DBN1: variants seen among roughly 807,000 people sequenced by gnomAD.
DBN1 encodes the protein drebrin 1.
In DBN1, 21 loss-of-function variants were observed where a neutral mutation model predicts 83.5. The observed-to-expected ratio is 0.25, with a 90% CI of 0.18 to 0.36. The LOEUF (loss-of-function observed/expected upper bound fraction) is 0.36. Ranked by LOEUF, DBN1 falls within the 10% of genes least tolerant of loss-of-function variation. The pLI is 1.00. For synonymous variants in DBN1, 381 were observed against 384.9 expected (o/e 0.99, Z 0.12); for missense variants, 874 against 935.7 (o/e 0.93, Z 0.86).
At chr5:177,464,832 T>C (rs1222341097) in intron 8 of DBN1, among the ~76,000 whole-genome samples, 1 of 150,714 alleles carries the variant, frequency 6.6e-6, no homozygotes. Context: ...CCCAGCTACT[T>C]GGGAGGCTGA....
chr5:177,467,711 C>T lies in DBN1; in HGVS notation c.330+32G>A. On this transcript the variant is annotated intron_variant, in intron 4 of 14. Transcript: ENST00000393565. The surrounding 1 kb of genome is among the most constrained non-coding windows in gnomAD (Gnocchi z 9.1). The stretch of plus-strand genomic sequence containing the variant: ...GCACGCAGACCCTGGTGGCTGTCCC[C>T]ACCCCCAAGAGCGCTGGCCCCTGAC... 1 of 1,552,556 alleles carries T rather than the reference C, an allele frequency of 6.4e-7. No individual in the cohort carries two copies. Among genetic ancestry groups the T allele is most frequent in the Non-Finnish European group, 8.7e-7 (1 of 1,147,896 alleles).
At chr5:177,460,610 T>C (rs1756954862) in intron 9 of DBN1, 34 bp downstream of exon 9, 1 of 1,614,172 alleles carries the variant, frequency 6.2e-7, no homozygotes, top group East Asian at 2.2e-5. Flanking sequence ...GATAGCCCTG[T>C]CTGCCTCACC....
At position 177,466,673 on chromosome 5, in the gene DBN1, A is replaced by G; in HGVS notation, c.771+99T>C. ...CATGCAGCTCCCCAGAACAGCCACC[A>G]CTGTCCCTGAGCCACTGATCTCCCC... On this transcript the variant is annotated intron_variant, in intron 8 of 14. Coordinates refer to ENST00000393565, the MANE Select transcript of DBN1 (RefSeq NM_001363541.2). The surrounding 1 kb of genome is among the most constrained non-coding windows in gnomAD (Gnocchi z 4.8). 1 of 1,379,750 alleles carries G rather than the reference A, an allele frequency of 7.2e-7. No individual in the cohort carries two copies. Among genetic ancestry groups the G allele is most frequent in the Non-Finnish European group, 1.0e-6 (1 of 967,244 alleles). The allele number at this position is 1,379,750 out of a possible 1,614,324, so 85.5% of individuals were successfully genotyped here.
chr5:177,458,595 C>A lies in DBN1; in HGVS notation c.1377G>T (p.Gly459=), dbSNP rs1756750259. ...EPPQAQAPPR[G]PGSPAEDLMF... is the part of the protein sequence containing the mutation. ...TCAAGTCCTCTGCAGGGCTGCCTGG[C>A]CCCCGGGGAGGCGCCTGTGCCTGAG... Residue 459 remains glycine (G), a synonymous_variant, in exon 13 of 15, where the codon GGG becomes GGT. Transcript: ENST00000393565. The A allele has an allele frequency of 6.2e-7, 1 of 1,612,892 alleles. No individual in the cohort carries two copies. The highest frequency in any genetic ancestry group is 8.5e-7 in the Non-Finnish European group (1 of 1,179,304).
chr5:177,467,403 G>A lies in DBN1; in HGVS notation c.478-71C>T. 3 of 1,613,464 alleles carry A rather than the reference G, an allele frequency of 1.9e-6. No individual in the cohort carries two copies. Among genetic ancestry groups the A allele is most frequent in the South Asian group, 2.2e-5 (2 of 91,052 alleles). On this transcript the variant is annotated intron_variant, in intron 5 of 14. Transcript: ENST00000393565. This position sits in a 1 kb window ranked among gnomAD's most constrained non-coding sequence, Gnocchi z 9.1. ...AACCCCCGACACCTAAAGGGTGAGAGCTAAGAGGGACCGGGCAGGCCAGAC... is the reference window on the plus strand; with the variant it reads ...AACCCCCGACACCTAAAGGGTGAGAACTAAGAGGGACCGGGCAGGCCAGAC...
At chr5:177,465,102 G>C (rs1757351868) in intron 8 of DBN1, among the ~76,000 whole-genome samples, 2 of 152,230 alleles carry the variant, frequency 1.3e-5, no homozygotes, top group African/African-American at 4.8e-5. Context: ...GCAGTGAGCT[G>C]AGATGGCGCC....
At chr5:177,458,910 G>A (rs1381982426) in intron 12 of DBN1, among the ~76,000 whole-genome samples, 188 bp downstream of exon 12, 1 of 152,186 alleles carries the variant, frequency 6.6e-6, no homozygotes, top group Non-Finnish European at 1.5e-5. Context: ...GAGAGGGCGG[G>A]TGCTAAGCTT....
intron 14 of DBN1, 72 bp from the exon 15 acceptor site, chr5:177,457,575 G>T (rs1434475601): frequency 6.5e-7 from 1 of 1,544,714 alleles, no homozygotes; most frequent in African/African-American, 1.4e-5. Context: ...TGTGAGCGGT[G>T]GGTAGTGGTG....
chr5:177,472,416 G>T (rs1368486303), intron 1 of DBN1: 18 of 1,408,974 alleles, frequency 1.3e-5, no homozygotes, highest in Non-Finnish European at 1.6e-5. Flanking sequence ...AGAGTATTAC[G>T]GGGGGGTTAA....
intron 8 of DBN1, among the ~76,000 whole-genome samples, chr5:177,465,011 G>A (rs972030949): frequency 3.9e-5 from 6 of 152,022 alleles, no homozygotes; most frequent in Non-Finnish European, 7.4e-5. Context: ...AAAATTAGCC[G>A]GACGTGGTGG....
intron 1 of DBN1, among the ~76,000 whole-genome samples, chr5:177,470,267 C>T (rs1267726277): frequency 2.0e-5 from 3 of 152,184 alleles, no homozygotes; most frequent in Non-Finnish European, 2.9e-5. Flanking sequence ...TAACCCACCA[C>T]GGGAACAAAG....
At position 177,473,602 on chromosome 5, in the gene DBN1, G is replaced by A. The variant is rs1006281153; in HGVS notation, c.-81C>T. 38 of 744,784 alleles carry A rather than the reference G, an allele frequency of 5.1e-5. No individual in the cohort carries two copies. Among genetic ancestry groups the A allele is most frequent in the South Asian group, 8.0e-5 (2 of 24,990 alleles). 46.1% of individuals were successfully genotyped at this position (744,784 alleles called of 1,614,324 possible). ...GGAGGAGGGAGGGAAAGAGGGAGTCGCCGCCGCCGCCTCGGAGCCTCTGCA... is the reference window on the plus strand; with the variant it reads ...GGAGGAGGGAGGGAAAGAGGGAGTCACCGCCGCCGCCTCGGAGCCTCTGCA... On this transcript the variant is annotated 5_prime_UTR_variant, in exon 1 of 15. Transcript: ENST00000393565.
rs138221409 is a variant in DBN1, at chr5:177,469,701, G to A, written c.87-802C>T. ...CCTCCTCCCTAGCTTTGTGTGCCCT[G>A]GCTCCTTTTGATAGGCTGCGGTGAC... On this transcript the variant is annotated intron_variant, in intron 1 of 14. Transcript: ENST00000393565. Among the ~76,000 whole-genome samples the A allele has an allele frequency of 2.6e-5, 4 of 152,306 alleles. No homozygotes were observed. The East Asian group carries it at 7.7e-4, about 29-fold the overall frequency.
intron 8 of DBN1, among the ~76,000 whole-genome samples, chr5:177,464,971 G>GACA (rs1757336705): frequency 6.6e-6 from 1 of 152,056 alleles, no homozygotes; most frequent in African/African-American, 2.4e-5. Flanking sequence ...TGGCTAACAT[G>GACA]GTGAAACCCC....
rs749736852 is a variant in DBN1, at chr5:177,457,552, T to C, written c.2018-49A>G. The C allele has an allele frequency of 8.2e-6, 13 of 1,581,686 alleles. 1 individual carries two copies. The highest frequency in any genetic ancestry group is 5.4e-5 in the African/African-American group (4 of 74,298). On this transcript the variant is annotated intron_variant, in intron 14 of 14. Transcript: ENST00000393565. ...AGTTAGGGACCTAGCAGACCGCTTG[T>C]GTCCCCAGCCTCTGTGAGCGGTGGG...
chr5:177,459,056 C>A, intron 12 of DBN1, 42 bp downstream of exon 12: 1 of 1,559,182 alleles, frequency 6.4e-7, no homozygotes, highest in Non-Finnish European at 8.7e-7. Flanking sequence ...CAGCCAGGGA[C>A]TGATGATGGG....
At position 177,459,209 on chromosome 5, in the gene DBN1, A is replaced by G; in HGVS notation, c.1153T>C (p.Ser385Pro). 1 of 1,610,998 alleles carries G rather than the reference A, an allele frequency of 6.2e-7. No homozygotes were observed. The highest frequency in any genetic ancestry group is 8.5e-7 in the Non-Finnish European group (1 of 1,178,962). The change falls in exon 12 of 15, where the codon TCT (serine) becomes CCT (proline). Residue 385 changes from serine to proline, a missense_variant. Around this residue, in one of 4 missense-constraint regions of DBN1, gnomAD observed 725 missense variants for 719.7 expected, o/e 1.01. Coordinates refer to ENST00000393565, the MANE Select transcript of DBN1 (RefSeq NM_001363541.2). ...APTPIPTRSP[S>P]DSSTASTPVA... is the part of the protein sequence containing the mutation. The stretch of plus-strand genomic sequence containing the variant: ...GGGGTGGAGGCGGTGCTGGAGTCAG[A>G]CGGGCTCCGCGTGGGGATGGGAGTG...
chr5:177,463,960 C>CA, intron 8 of DBN1, among the ~76,000 whole-genome samples: 1 of 151,752 alleles, frequency 6.6e-6, no homozygotes, highest in East Asian at 1.9e-4. Flanking sequence ...ACTAAAAATA[C>CA]AAACATTAGC....
intron 1 of DBN1, among the ~76,000 whole-genome samples, chr5:177,469,309 G>A (rs1323542004): frequency 3.9e-5 from 6 of 152,040 alleles, no homozygotes; most frequent in Non-Finnish European, 8.8e-5. Context: ...CTTGGTCCCC[G>A]CTGCCCCTCC....
Sources: allele counts gnomAD v4.1 joint callset (sites outside exome capture counted in the v4.1 genomes callset), GRCh38; gene constraint gnomAD v4.1.1; regional missense constraint gnomAD v4.1.1; non-coding constraint Gnocchi (gnomAD v3.1); transcripts MANE v1.5; gene names NCBI Gene and HGNC (gene_info 2026-07-23, HGNC 2026-07-21).